The following SCAPER variants were observed in gnomAD, a reference collection of about 807,000 sequenced individuals.
The protein encoded by SCAPER is S phase cyclin A-associated protein in the endoplasmic reticulum.
A neutral mutation model predicts 182.2 loss-of-function variants in SCAPER; 98 were observed. The observed-to-expected ratio is 0.54, with a 90% CI of 0.46 to 0.64. The LOEUF is 0.64. SCAPER is among the 30% of genes least tolerant of loss of function. SCAPER has a pLI of 0.00. For synonymous variants in SCAPER, 605 were observed against 564.6 expected (o/e 1.07, Z -1.01); for missense variants, 1,432 against 1,690.0 (o/e 0.85, Z 2.68).
intron 8 of SCAPER, among the ~76,000 whole-genome samples, chr15:76,777,264 T>G (rs73445320): frequency 0.054 from 8,204 of 152,246 alleles, 280 homozygotes; most frequent in Non-Finnish European, 0.069. Context: ...TATTAATATA[T>G]GTGGTGAACA....
At chr15:76,353,633 T>TA (rs2141652142) in intron 30 of SCAPER, among the ~76,000 whole-genome samples, 2 of 152,340 alleles carry the variant, frequency 1.3e-5, no homozygotes, top group East Asian at 3.9e-4. Context: ...GCAAGATAAA[T>TA]ACAATAGTTA....
At chr15:76,562,216 T>G (rs1264652368) in intron 23 of SCAPER, among the ~76,000 whole-genome samples, 1 of 142,802 alleles carries the variant, frequency 7.0e-6, no homozygotes, top group South Asian at 2.2e-4. Flanking sequence ...CTCAAGAATA[T>G]AGGAGAATAT....
intron 24 of SCAPER, among the ~76,000 whole-genome samples, chr15:76,479,584 T>A (rs564335483): frequency 6.6e-6 from 1 of 152,134 alleles, no homozygotes; most frequent in Admixed American, 6.5e-5. Flanking sequence ...TAAAATTGGG[T>A]CTTTTGACAA....
chr15:76,528,957 T>A (rs1412157232), intron 23 of SCAPER, among the ~76,000 whole-genome samples: 1 of 152,236 alleles, frequency 6.6e-6, no homozygotes, highest in Admixed American at 6.5e-5. Context: ...GTTAAAAACG[T>A]CCTACTCATA....
chr15:76,701,968 AG>A (rs2058977414), intron 19 of SCAPER, 103 bp from the exon 20 acceptor site: 2 of 680,988 alleles, frequency 2.9e-6, no homozygotes, highest in Admixed American at 5.2e-5. Context: ...AGATCCACCT[AG>A]TATTTACATA....
intron 4 of SCAPER, 71 bp downstream of exon 4, chr15:76,857,738 T>A: frequency 1.0e-6 from 1 of 1,000,886 alleles, no homozygotes; most frequent in Non-Finnish European, 1.4e-6. Context: ...AAAATAAGAT[T>A]TTCATAATTT....
At chr15:76,487,825 T>C (rs1173165091) in intron 24 of SCAPER, among the ~76,000 whole-genome samples, 1 of 152,198 alleles carries the variant, frequency 6.6e-6, no homozygotes, top group Non-Finnish European at 1.5e-5. Flanking sequence ...TTAACTCCAC[T>C]AGTCTTTGAG....
intron 14 of SCAPER, among the ~76,000 whole-genome samples, chr15:76,759,230 T>C (rs1356221967): frequency 1.3e-5 from 2 of 152,098 alleles, no homozygotes; most frequent in Non-Finnish European, 2.9e-5. Context: ...TTAGTCTGTT[T>C]TGTGTTGCTA....
In SCAPER at chr15:76,816,269, T is replaced by G. The variant is rs538666181; in HGVS notation, c.394-11636A>C. Among the ~76,000 whole-genome samples, 8 of 152,370 alleles carry G rather than the reference T, an allele frequency of 5.3e-5. No individual in the cohort carries two copies. The East Asian group carries it at 1.2e-3, about 22-fold the overall frequency. ...AGTATTTTTTAAACTCTGACATTTG[T>G]AGTAACACTTAGCTTAAAACACAAA... On this transcript the variant is annotated intron_variant, in intron 5 of 31. Coordinates refer to ENST00000563290, the MANE Select transcript of SCAPER (RefSeq NM_020843.4).
chr15:76,371,279 A>G lies in SCAPER; in HGVS notation c.3855+4883T>C, dbSNP rs188933391. ...CAAGAATAGTATAAAGAACTCTACAAATATAAGGTATTTCTACCTTATAAT... is the reference window on the plus strand; with the variant it reads ...CAAGAATAGTATAAAGAACTCTACAGATATAAGGTATTTCTACCTTATAAT... On this transcript the variant is annotated intron_variant, in intron 29 of 31. Coordinates refer to ENST00000563290, the MANE Select transcript of SCAPER (RefSeq NM_020843.4). 5.9e-5 allele frequency among the ~76,000 whole-genome samples: 9 copies of G among 152,138 alleles called. 1 individual carries two copies. Among genetic ancestry groups the G allele is most frequent in the East Asian group, 1.9e-4 (1 of 5,166 alleles).
intron 15 of SCAPER, among the ~76,000 whole-genome samples, chr15:76,747,740 T>A (rs112004498): frequency 0.012 from 1,802 of 152,224 alleles, 23 homozygotes; most frequent in African/African-American, 0.04. Flanking sequence ...CACGATGTGA[T>A]CTGCACATGC....
At chr15:76,903,814 C>T (rs1595981996) in intron 1 of SCAPER, among the ~76,000 whole-genome samples, 1 of 152,166 alleles carries the variant, frequency 6.6e-6, no homozygotes, top group Admixed American at 6.5e-5. Flanking sequence ...CAATACTTTA[C>T]AGACACCTAA....
chr15:76,444,155 G>C (rs923709590), intron 25 of SCAPER, among the ~76,000 whole-genome samples: 2 of 152,220 alleles, frequency 1.3e-5, no homozygotes, highest in African/African-American at 4.8e-5. Flanking sequence ...CTTTTCAAGA[G>C]TTTTGATGGG....
At chr15:76,449,779 C>A (rs1050792644) in intron 25 of SCAPER, among the ~76,000 whole-genome samples, 5 of 152,214 alleles carry the variant, frequency 3.3e-5, no homozygotes, top group African/African-American at 1.2e-4. Context: ...ATCAATACCA[C>A]TTCCTTAATG....
intron 22 of SCAPER, among the ~76,000 whole-genome samples, chr15:76,585,800 A>C (rs2048610992): frequency 6.6e-6 from 1 of 152,214 alleles, no homozygotes; most frequent in South Asian, 2.1e-4. Flanking sequence ...AAAAAGCACT[A>C]GATTTTAATT....
At chr15:76,365,586 C>A (rs138482548) in intron 29 of SCAPER, among the ~76,000 whole-genome samples, 1 of 152,318 alleles carries the variant, frequency 6.6e-6, no homozygotes, top group African/African-American at 2.4e-5. Flanking sequence ...AGAACCCTAT[C>A]TATAGAACAC....
chr15:76,494,828 C>T (rs908747442), intron 24 of SCAPER, among the ~76,000 whole-genome samples: 3 of 152,002 alleles, frequency 2.0e-5, no homozygotes, highest in Non-Finnish European at 4.4e-5. Context: ...AGACAAAACT[C>T]ATCACAGAAG....
chr15:76,545,769 GA>G (rs1350035329), intron 23 of SCAPER, among the ~76,000 whole-genome samples: 1 of 152,108 alleles, frequency 6.6e-6, no homozygotes, highest in Non-Finnish European at 1.5e-5. Flanking sequence ...TCAGGAAGGT[GA>G]AGTTAGATGG....
At chr15:76,766,487 T>C (rs968391042) in intron 11 of SCAPER, among the ~76,000 whole-genome samples, 3 of 151,956 alleles carry the variant, frequency 2.0e-5, no homozygotes, top group African/African-American at 7.3e-5. Flanking sequence ...GTTCTTACTT[T>C]ATGTCAGACT....
Sources: gnomAD v4.1 joint callset for allele counts (sites outside exome capture counted in the v4.1 genomes callset) on GRCh38, gnomAD v4.1.1 for gene constraint, MANE v1.5 for transcripts, NCBI Gene and HGNC (gene_info 2026-07-23, HGNC 2026-07-21) for gene names.